Variants in IL15RA observed in about 807,000 individuals in gnomAD.
IL15RA encodes interleukin-15 receptor subunit alpha.
Under a neutral mutation model 24.2 loss-of-function variants are expected in IL15RA, and 26 were observed. The ratio of observed to expected loss-of-function variants is 1.07; its 90% CI spans 0.79 to 1.49. IL15RA has a LOEUF of 1.49. IL15RA is among the 40% of genes most tolerant of loss of function. The pLI is 0.00. For missense variants in IL15RA, 354 were observed against 356.4 expected, an observed-to-expected ratio of 0.99 and a Z score of 0.05; for synonymous variants, 166 against 157.6, an observed-to-expected ratio of 1.05 and a Z score of -0.40.
rs1189381205 is a variant in IL15RA, at chr10:5,960,307, C to T, written c.583+60G>A. On this transcript the variant is annotated intron_variant, in intron 4 of 6. Coordinates refer to ENST00000379977, the MANE Select transcript of IL15RA (RefSeq NM_002189.4). The surrounding 1 kb of genome is among the most constrained non-coding windows in gnomAD (Gnocchi z 5.1). ...AAAGCTGCCTTGTGCCGGATCTCAG[C>T]CCCGATCTCAGAAGCAGCAATGGGG... The T allele has an allele frequency of 6.9e-7, 1 of 1,450,210 alleles. No individual in the cohort carries two copies. Among genetic ancestry groups the T allele is most frequent in the Non-Finnish European group, 9.7e-7 (1 of 1,032,506 alleles). The allele number at this position is 1,450,210 out of a possible 1,614,324, so 89.8% of individuals were successfully genotyped here.
At chr10:5,972,945 G>A (rs1387692724) in intron 1 of IL15RA, among the ~76,000 whole-genome samples, 1 of 151,986 alleles carries the variant, frequency 6.6e-6, no homozygotes, top group Admixed American at 6.6e-5. Context: ...CTGAAAAATG[G>A]CTTAAAAATA....
Position 5,960,372 on chromosome 10 carries a change from G to A in IL15RA, c.578C>T (p.Pro193Leu), listed in dbSNP as rs201243364. ...WELTASASHQ[P>L]PGVYPQGHSD... ...GGGGCAAAGCGAGTGCTAACCTGGC[G>A]GCTGGTGGGAGGCGGATGCTGTGAG... The change falls in exon 4 of 7, where the codon CCG becomes CTG. Residue 193 changes from proline (P) to leucine (L), a missense_variant. Coordinates refer to ENST00000379977, the MANE Select transcript of IL15RA (RefSeq NM_002189.4). The surrounding 1 kb of genome is among the most constrained non-coding windows in gnomAD (Gnocchi z 5.1). 1.7e-5 allele frequency: 28 copies of A among 1,614,076 alleles called. No homozygotes were observed. Among genetic ancestry groups the A allele is most frequent in the African/African-American group, 4.0e-5 (3 of 75,034 alleles).
rs1481584971 is a variant in IL15RA, at chr10:5,964,386, C to T, written c.284-545G>A. On this transcript the variant is annotated intron_variant, in intron 2 of 6. Transcript: ENST00000379977. This position sits in a 1 kb window ranked among gnomAD's most constrained non-coding sequence, Gnocchi z 5.6. Reference sequence around the variant, plus strand: ...CTTGCTATGTTGCTGAGGCTGGTCTCGAACTCCTGGTCTCAAGAAATCCCT... The same window carrying T: ...CTTGCTATGTTGCTGAGGCTGGTCTTGAACTCCTGGTCTCAAGAAATCCCT... 6.6e-6 allele frequency among the ~76,000 whole-genome samples: 1 copy of T among 152,042 alleles called. No individual in the cohort carries two copies. The highest frequency in any genetic ancestry group is 6.6e-5 in the Admixed American group (1 of 15,258).
rs1026896577 is a variant in IL15RA at position 5,971,990 on chromosome 10, A to G, written c.88+5415T>C. On this transcript the variant is annotated intron_variant, in intron 1 of 6. Transcript: ENST00000379977. This position sits in a 1 kb window ranked among gnomAD's most constrained non-coding sequence, Gnocchi z 5.5. ...AAAGGAAAGTAATGAAATACATTCT[A>G]TAGTTTTAGGACTCGAGAAGACATC... Among the ~76,000 whole-genome samples the G allele has an allele frequency of 1.3e-5, 2 of 152,222 alleles. No individual in the cohort carries two copies. Among genetic ancestry groups the G allele is most frequent in the African/African-American group, 2.4e-5 (1 of 41,448 alleles).
In IL15RA at chr10:5,960,140, A is replaced by G. The variant is rs1173913052; in HGVS notation, c.583+227T>C. Among the ~76,000 whole-genome samples the G allele has an allele frequency of 1.3e-5, 2 of 152,142 alleles. No individual in the cohort carries two copies. Among genetic ancestry groups the G allele is most frequent in the Admixed American group, 6.5e-5 (1 of 15,280 alleles). On this transcript the variant is annotated intron_variant, in intron 4 of 6. Transcript: ENST00000379977. The surrounding 1 kb of genome is among the most constrained non-coding windows in gnomAD (Gnocchi z 5.1). Reference sequence around the variant, plus strand: ...CGGGTGATAAGGCTGGCCCTGTCACATCTTGGGGGGGTGTGGGCTTGCTTT... The same window carrying G: ...CGGGTGATAAGGCTGGCCCTGTCACGTCTTGGGGGGGTGTGGGCTTGCTTT...
At chr10:5,956,939 A>AT (rs200765911) in intron 5 of IL15RA, among the ~76,000 whole-genome samples, 40 of 133,766 alleles carry the variant, frequency 3.0e-4, no homozygotes, top group African/African-American at 8.4e-4. Context: ...TTCCAATTTC[A>AT]TTTTTTTTTC....
rs113346190 is a variant in IL15RA at position 5,962,767 on chromosome 10, C to T, written c.382+976G>A. On this transcript the variant is annotated intron_variant, in intron 3 of 6. Transcript: ENST00000379977. This position sits in a 1 kb window ranked among gnomAD's most constrained non-coding sequence, Gnocchi z 5.2. ...ATGACAACAGACAGGCCCATCCCCC[C>T]GGGGGCAAAGGAGTAGACAGGACCA... Among the ~76,000 whole-genome samples, 618 of 152,176 alleles carry T rather than the reference C, an allele frequency of 4.1e-3. 3 individuals carry two copies. Among genetic ancestry groups the T allele is most frequent in the African/African-American group, 0.014 (581 of 41,502 alleles).
chr10:5,977,839 C>T, upstream of IL15RA: 1 of 392,796 alleles, frequency 2.5e-6, no homozygotes, highest in Non-Finnish European at 4.5e-6. Flanking sequence ...CTCCAGTGTG[C>T]ACTCGGTCCG....
chr10:5,974,249 G>A (rs889477418), intron 1 of IL15RA, among the ~76,000 whole-genome samples: 3 of 152,038 alleles, frequency 2.0e-5, no homozygotes, highest in East Asian at 1.9e-4. Flanking sequence ...ATCTGCCCGC[G>A]TTGGCCTCCC....
chr10:5,952,237 T>G (rs564363693), downstream of IL15RA: 24 of 152,394 alleles, frequency 1.6e-4, 1 homozygote, highest in East Asian at 4.5e-3. Context: ...TCCCCAAAAC[T>G]GTGACCGGAG....
chr10:5,958,931 C>T lies in IL15RA; in HGVS notation c.616+823G>A, dbSNP rs891585935. 1.3e-5 allele frequency among the ~76,000 whole-genome samples: 2 copies of T among 152,096 alleles called. No individual in the cohort carries two copies. Among genetic ancestry groups the T allele is most frequent in the African/African-American group, 2.4e-5 (1 of 41,420 alleles). ...TGACTTGCATTCTTCTCATTACCTG[C>T]GTTCTTCCTCCCTGCCTGCTTCCCT... On this transcript the variant is annotated intron_variant, in intron 5 of 6. Coordinates refer to ENST00000379977, the MANE Select transcript of IL15RA (RefSeq NM_002189.4). This position sits in a 1 kb window ranked among gnomAD's most constrained non-coding sequence, Gnocchi z 4.3.
chr10:5,978,054 T>C (rs528427944), upstream of IL15RA: 1 of 153,062 alleles, frequency 6.5e-6, no homozygotes, highest in South Asian at 2.1e-4. This position sits in a 1 kb window ranked among gnomAD's most constrained non-coding sequence, Gnocchi z 5.2. Flanking sequence ...GTCGCCGCGG[T>C]GCGGAGGCGC....
In IL15RA at chr10:5,975,020, A is replaced by C. The variant is rs1426496154; in HGVS notation, c.88+2385T>G. 3.0e-5 allele frequency among the ~76,000 whole-genome samples: 2 copies of C among 66,004 alleles called. No individual in the cohort carries two copies. Among genetic ancestry groups the C allele is most frequent in the Non-Finnish European group, 9.6e-5 (2 of 20,878 alleles). 43.3% of individuals were successfully genotyped at this position (66,004 alleles called of 152,430 possible). A position where few individuals can be genotyped will look rare whatever the true frequency, so the allele number is the denominator to read the frequency against. On this transcript the variant is annotated intron_variant, in intron 1 of 6. Coordinates refer to ENST00000379977, the MANE Select transcript of IL15RA (RefSeq NM_002189.4). This position sits in a 1 kb window ranked among gnomAD's most constrained non-coding sequence, Gnocchi z 4.8. The stretch of plus-strand genomic sequence containing the variant: ...GGAAACAATGGTGTGACATTGTTTC[A>C]AAAAAAAAAAAATTAAACATACACC...
In IL15RA at chr10:5,963,151, G is replaced by A. The variant is rs768044561; in HGVS notation, c.382+592C>T. 6.6e-5 allele frequency among the ~76,000 whole-genome samples: 10 copies of A among 152,184 alleles called. No individual in the cohort carries two copies. Among genetic ancestry groups the A allele is most frequent in the Non-Finnish European group, 1.2e-4 (8 of 68,030 alleles). ...TCTCAAGGGTGCTTCTACAGCAAGC[G>A]CCTTGGAAGACGGGGACATGGTCTC... On this transcript the variant is annotated intron_variant, in intron 3 of 6. Transcript: ENST00000379977. The surrounding 1 kb of genome is among the most constrained non-coding windows in gnomAD (Gnocchi z 5.3).
chr10:5,976,446 C>G (rs1009119461), intron 1 of IL15RA, among the ~76,000 whole-genome samples: 2 of 152,184 alleles, frequency 1.3e-5, no homozygotes, highest in Non-Finnish European at 2.9e-5. Context: ...ATAGAGAGTC[C>G]ATGGATGGCC....
At position 5,964,489 on chromosome 10, in the gene IL15RA, GA is replaced by G. The variant is rs975654698; in HGVS notation, c.284-649del. Among the ~76,000 whole-genome samples the G allele has an allele frequency of 3.9e-5, 6 of 152,140 alleles. No individual in the cohort carries two copies. The highest frequency in any genetic ancestry group is 7.3e-5 in the Non-Finnish European group (5 of 68,032). On this transcript the variant is annotated intron_variant, in intron 2 of 6. Coordinates refer to ENST00000379977, the MANE Select transcript of IL15RA (RefSeq NM_002189.4). This position sits in a 1 kb window ranked among gnomAD's most constrained non-coding sequence, Gnocchi z 5.6. ...GGCTTACATTTCACTTGTTGAGCAGGAAAAAAGTCATTCAAAGCACAAGAGT... is the reference window on the plus strand; with the variant it reads ...GGCTTACATTTCACTTGTTGAGCAGGAAAAAGTCATTCAAAGCACAAGAGT...
rs1589179696 is a variant in IL15RA at position 5,959,672 on chromosome 10, C to T, written c.616+82G>A. The T allele has an allele frequency of 8.8e-6, 11 of 1,246,022 alleles. No individual in the cohort carries two copies. The highest frequency in any genetic ancestry group is 4.6e-5 in the East Asian group (2 of 43,114). 77.2% of individuals were successfully genotyped at this position (1,246,022 alleles called of 1,614,324 possible). A position where few individuals can be genotyped will look rare whatever the true frequency, so the allele number is the denominator to read the frequency against. On this transcript the variant is annotated intron_variant, in intron 5 of 6. Transcript: ENST00000379977. This position sits in a 1 kb window ranked among gnomAD's most constrained non-coding sequence, Gnocchi z 4.1. The stretch of plus-strand genomic sequence containing the variant: ...TGCTGTCAGGGCTGTGCTGGGGCAG[C>T]GGGCCTGGGCCAGGACCACCCAGCA...
At position 5,959,012 on chromosome 10, in the gene IL15RA, TC is replaced by T. The variant is rs1161869415; in HGVS notation, c.616+741del. ...CTCTCCTCCCCTCCCTTCAGCTTTT[TC>T]TTTTAGTCTTGTAAACGCTTTCCCC... On this transcript the variant is annotated intron_variant, in intron 5 of 6. Coordinates refer to ENST00000379977, the MANE Select transcript of IL15RA (RefSeq NM_002189.4). This position sits in a 1 kb window ranked among gnomAD's most constrained non-coding sequence, Gnocchi z 4.1. Among the ~76,000 whole-genome samples the T allele has an allele frequency of 6.6e-6, 1 of 152,224 alleles. No individual in the cohort carries two copies. The highest frequency in any genetic ancestry group is 1.9e-4 in the East Asian group (1 of 5,182).
Position 5,962,593 on chromosome 10 carries a change from A to AG in IL15RA, c.382+1149_382+1150insC, listed in dbSNP as rs2132440068. ...GGCAATAGAGCAAGACCCCATCTCA[A>AG]AAAAAAAAAAAAAAAAGATCCACCT... On this transcript the variant is annotated intron_variant, in intron 3 of 6. Coordinates refer to ENST00000379977, the MANE Select transcript of IL15RA (RefSeq NM_002189.4). This position sits in a 1 kb window ranked among gnomAD's most constrained non-coding sequence, Gnocchi z 5.2. Among the ~76,000 whole-genome samples the AG allele has an allele frequency of 7.7e-6, 1 of 129,876 alleles. No homozygotes were observed. Among genetic ancestry groups the AG allele is most frequent in the African/African-American group, 3.1e-5 (1 of 32,010 alleles). 85.2% of individuals were successfully genotyped at this position (129,876 alleles called of 152,430 possible).
Sources: gnomAD v4.1 joint callset for allele counts (sites outside exome capture counted in the v4.1 genomes callset) on GRCh38, gnomAD v4.1.1 for gene constraint, Gnocchi (gnomAD v3.1) non-coding constraint, MANE v1.5 for transcripts, NCBI Gene and HGNC (gene_info 2026-07-23, HGNC 2026-07-21) for gene names.